Variants in NTM observed in about 807,000 individuals in gnomAD.
NTM encodes the protein IgLON family member 2.
NTM carries 13 observed loss-of-function variants against 42.1 expected under a neutral mutation model. The observed-to-expected ratio is 0.31, with a 90% CI of 0.20 to 0.49. The LOEUF is 0.49. NTM is among the 20% of genes least tolerant of loss of function. The pLI, the probability that NTM is intolerant of heterozygous loss-of-function variation, is 0.99. For missense variants in NTM, 373 were observed against 452.8 expected (o/e 0.82, Z 1.60); for synonymous variants, 187 against 179.2 (o/e 1.04, Z -0.35).
chr11:132,260,392 A>T (rs1378868060), intron 4 of NTM, among the ~76,000 whole-genome samples: 3 of 152,180 alleles, frequency 2.0e-5, no homozygotes, highest in African/African-American at 7.2e-5. Flanking sequence ...CCACAGCATC[A>T]TGCTGTCTCT....
chr11:132,234,741 C>T lies in NTM; in HGVS notation c.526+22594C>T, dbSNP rs574795807. Among the ~76,000 whole-genome samples, 24 of 152,326 alleles carry T rather than the reference C, an allele frequency of 1.6e-4. 1 individual carries two copies. In the South Asian group the frequency reaches 2.3e-3, roughly 14 times the overall value. On this transcript the variant is annotated intron_variant, in intron 4 of 8. Coordinates refer to ENST00000683400, the MANE Select transcript of NTM (RefSeq NM_001352005.2). ...ATTGAGATGGACTTTGAAATCTTGT[C>T]ACTTTCAAAAGTGAATCTCAATTTT...
At chr11:131,512,595 C>T (rs1306254239) in intron 1 of NTM, among the ~76,000 whole-genome samples, 1 of 152,224 alleles carries the variant, frequency 6.6e-6, no homozygotes, top group Non-Finnish European at 1.5e-5. Context: ...CTCAGCTAGG[C>T]TTCTCCTGTT....
rs2093696063 is a variant in NTM at position 132,275,744 on chromosome 11, A to ATG, written c.527-31944_527-31943insGT. Among the ~76,000 whole-genome samples, 107 of 28,410 alleles carry ATG rather than the reference A, an allele frequency of 3.8e-3. 1 individual carries two copies. Among genetic ancestry groups the ATG allele is most frequent in the African/African-American group, 0.011 (53 of 4,764 alleles). 18.6% of individuals were successfully genotyped at this position (28,410 alleles called of 152,430 possible). A position where few individuals can be genotyped will look rare whatever the true frequency, so the allele number is the denominator to read the frequency against. ...TATATACGTATATATACGTATATATATATGTGTATATATATATATATGTTA... is the reference window on the plus strand; with the variant it reads ...TATATACGTATATATACGTATATATATGTATGTGTATATATATATATATGTTA... On this transcript the variant is annotated intron_variant, in intron 4 of 8. Coordinates refer to ENST00000683400, the MANE Select transcript of NTM (RefSeq NM_001352005.2).
At chr11:131,649,375 G>A (rs1263403801) in intron 1 of NTM, among the ~76,000 whole-genome samples, 1 of 152,214 alleles carries the variant, frequency 6.6e-6, no homozygotes, top group Non-Finnish European at 1.5e-5. Context: ...CGGGGAGGGA[G>A]TATGGGAATA....
At chr11:131,521,494 C>T (rs376296595) in intron 1 of NTM, among the ~76,000 whole-genome samples, 3 of 138,600 alleles carry the variant, frequency 2.2e-5, no homozygotes, top group Admixed American at 7.7e-5. Flanking sequence ...CTGCAAGCTC[C>T]GCCTCCCAGG....
chr11:132,279,496 C>T (rs927471898), intron 4 of NTM, among the ~76,000 whole-genome samples: 4 of 152,190 alleles, frequency 2.6e-5, no homozygotes, highest in African/African-American at 7.2e-5. Flanking sequence ...CCCACATGTT[C>T]GCACTTAATG....
chr11:131,776,069 C>T (rs1363773579), intron 1 of NTM, among the ~76,000 whole-genome samples: 1 of 152,148 alleles, frequency 6.6e-6, no homozygotes, highest in Non-Finnish European at 1.5e-5. Context: ...CCCTGTGTCT[C>T]TCTCTGTCAA....
chr11:132,270,658 T>TA (rs201269131), intron 4 of NTM, among the ~76,000 whole-genome samples: 2,188 of 151,372 alleles, frequency 0.014, 41 homozygotes, highest in African/African-American at 0.049. Flanking sequence ...TTTTTATTTT[T>TA]TTTTTTACTT....
intron 3 of NTM, among the ~76,000 whole-genome samples, chr11:132,154,253 T>C (rs1830912247): frequency 6.6e-6 from 1 of 152,206 alleles, no homozygotes; most frequent in Admixed American, 6.5e-5. Flanking sequence ...GCACATTAGA[T>C]TGTTTTGACA....
chr11:132,267,478 GA>G (rs1276975660), intron 4 of NTM, among the ~76,000 whole-genome samples: 2 of 39,036 alleles, frequency 5.1e-5, no homozygotes, highest in African/African-American at 2.3e-4. Flanking sequence ...GTTCTTGGAT[GA>G]TTTTTTTTTT....
intron 1 of NTM, among the ~76,000 whole-genome samples, chr11:131,678,656 C>T (rs1209473607): frequency 6.6e-6 from 1 of 152,256 alleles, no homozygotes; most frequent in East Asian, 1.9e-4. Flanking sequence ...TCTTCCTTCT[C>T]TCTCTCTTCC....
intron 2 of NTM, among the ~76,000 whole-genome samples, chr11:131,958,799 C>A (rs1021788390): frequency 1.3e-5 from 2 of 152,134 alleles, no homozygotes; most frequent in Admixed American, 6.5e-5. Flanking sequence ...CGAGTTCTTG[C>A]CCTGTAATGT....
intron 2 of NTM, among the ~76,000 whole-genome samples, chr11:131,964,048 T>C (rs1349353543): frequency 6.6e-6 from 1 of 152,178 alleles, no homozygotes; most frequent in Non-Finnish European, 1.5e-5. Flanking sequence ...AATTCAGTGA[T>C]TTTATAATAA....
intron 2 of NTM, among the ~76,000 whole-genome samples, chr11:132,020,394 C>T (rs994070227): frequency 1.3e-5 from 2 of 151,872 alleles, no homozygotes; most frequent in South Asian, 2.1e-4. Context: ...TGTGTGATTT[C>T]TCTTTTTAAG....
chr11:131,844,427 A>G (rs1247397867), intron 1 of NTM, among the ~76,000 whole-genome samples: 1 of 151,898 alleles, frequency 6.6e-6, no homozygotes, highest in African/African-American at 2.4e-5. Context: ...CCCCCATCCT[A>G]CTCTTCAAGT....
At chr11:131,717,784 C>G (rs954129228) in intron 1 of NTM, among the ~76,000 whole-genome samples, 2 of 152,110 alleles carry the variant, frequency 1.3e-5, no homozygotes, top group African/African-American at 4.8e-5. Flanking sequence ...AGATTCTTGT[C>G]TTGTTCCTGA....
intron 1 of NTM, among the ~76,000 whole-genome samples, chr11:131,765,926 G>C (rs1467744345): frequency 6.6e-6 from 1 of 152,196 alleles, no homozygotes; most frequent in East Asian, 1.9e-4. Flanking sequence ...GGCAGTTTCT[G>C]AGTTGATTAC....
At chr11:132,012,361 C>T (rs975071114) in intron 2 of NTM, among the ~76,000 whole-genome samples, 2 of 152,134 alleles carry the variant, frequency 1.3e-5, no homozygotes, top group African/African-American at 4.8e-5. Flanking sequence ...GTCATTCCCA[C>T]TGTAATTAAT....
intron 1 of NTM, among the ~76,000 whole-genome samples, chr11:131,565,993 C>T (rs2056842483): frequency 6.6e-6 from 1 of 152,154 alleles, no homozygotes; most frequent in Non-Finnish European, 1.5e-5. Context: ...GGATGGGTAA[C>T]CTGTGTGCAC....
Sources: allele counts gnomAD v4.1 joint callset (sites outside exome capture counted in the v4.1 genomes callset), GRCh38; gene constraint gnomAD v4.1.1; transcripts MANE v1.5; gene names NCBI Gene and HGNC (gene_info 2026-07-23, HGNC 2026-07-21).